The following LYZL1 variants were observed in gnomAD, a reference collection of about 807,000 sequenced individuals.
The protein encoded by LYZL1 is lysozyme like 1.
In LYZL1, 16 loss-of-function variants were observed where a neutral mutation model predicts 17.9. That is an observed-to-expected ratio of 0.90 (90% CI 0.61 to 1.36). The LOEUF (loss-of-function observed/expected upper bound fraction) is 1.36, where lower values mean the gene tolerates loss of function less well. LYZL1 is among the 40% of genes most tolerant of loss of function. The pLI is 0.00. For synonymous variants in LYZL1, 58 were observed against 71.8 expected (o/e 0.81, Z 0.97); for missense variants, 149 against 188.4 (o/e 0.79, Z 1.22).
chr10:29,309,165 G>A (rs1480319855), intron 3 of LYZL1, among the ~76,000 whole-genome samples: 1 of 151,426 alleles, frequency 6.6e-6, no homozygotes, highest in South Asian at 2.1e-4. Flanking sequence ...CCCATCTCTA[G>A]TAAAAATACA....
chr10:29,310,042 A>C, intron 3 of LYZL1, 68 bp from the exon 4 acceptor site: 1 of 1,115,416 alleles, frequency 9.0e-7, no homozygotes, highest in Non-Finnish European at 1.3e-6. Flanking sequence ...AAGTGAAGTA[A>C]AGTTGAGTTG....
intron 3 of LYZL1, among the ~76,000 whole-genome samples, chr10:29,308,454 G>A (rs1835625979): frequency 6.6e-6 from 1 of 152,156 alleles, no homozygotes; most frequent in South Asian, 2.1e-4. Context: ...GTGGATCCCT[G>A]AGGAATATCT....
chr10:29,296,345 C>T (rs1307672617), intron 3 of LYZL1, among the ~76,000 whole-genome samples: 3 of 151,916 alleles, frequency 2.0e-5, no homozygotes, highest in Non-Finnish European at 4.4e-5. Flanking sequence ...AAACACAGAA[C>T]CAACAACAAC....
chr10:29,306,415 T>C (rs1835591276), intron 3 of LYZL1, among the ~76,000 whole-genome samples: 2 of 145,930 alleles, frequency 1.4e-5, no homozygotes, highest in South Asian at 2.2e-4. Context: ...CCGGGCGTAG[T>C]GGCGGGCGCC....
intron 3 of LYZL1, among the ~76,000 whole-genome samples, chr10:29,317,049 G>C (rs916374645): frequency 1.3e-5 from 2 of 152,118 alleles, no homozygotes; most frequent in African/African-American, 4.8e-5. Context: ...TTTTAATAAA[G>C]TTGGAATTAT....
chr10:29,290,227 C>T (rs556828330), intron 1 of LYZL1, among the ~76,000 whole-genome samples: 3 of 152,210 alleles, frequency 2.0e-5, no homozygotes, highest in South Asian at 2.1e-4. Flanking sequence ...TTCAGGATCC[C>T]GAGTAGTTGT....
chr10:29,292,663 A>T lies in LYZL1; in HGVS notation c.284A>T (p.His95Leu). Reference sequence around the variant, plus strand: ...AAGCTGAAGGAGAACAACCACTGCCATGTCGCCTGCTCAGGTGAGGCTCTG... The same window carrying T: ...AAGCTGAAGGAGAACAACCACTGCCTTGTCGCCTGCTCAGGTGAGGCTCTG... ...RGKLKENNHC[H>L]VACSALITDD... Residue 95 changes from histidine to leucine, a missense_variant, in exon 3 of 5, where the codon CAT becomes CTT. Physicochemically the swap from His to Leu is moderately conservative, Grantham distance 99. This residue lies in a region of LYZL1 where 130 missense variants were observed against 132.5 expected (regional missense o/e 0.98). Transcript: ENST00000649382. The T allele has an allele frequency of 6.2e-7, 1 of 1,613,862 alleles. No individual in the cohort carries two copies. Among genetic ancestry groups the T allele is most frequent in the Non-Finnish European group, 8.5e-7 (1 of 1,179,830 alleles).
intron 4 of LYZL1, among the ~76,000 whole-genome samples, chr10:29,310,515 G>C (rs988093070): frequency 2.7e-5 from 4 of 148,652 alleles, no homozygotes; most frequent in East Asian, 1.9e-4. Flanking sequence ...AAAAAAAAAA[G>C]CTTGAGTTTG....
At chr10:29,310,953 C>T in intron 4 of LYZL1, 37 bp from the exon 5 acceptor site, 2 of 1,614,146 alleles carry the variant, frequency 1.2e-6, no homozygotes, top group Non-Finnish European at 1.7e-6. Context: ...GATTGTCACG[C>T]TTCTTTCTGC....
chr10:29,302,521 C>T (rs768561530), intron 3 of LYZL1, among the ~76,000 whole-genome samples: 4 of 152,144 alleles, frequency 2.6e-5, no homozygotes, highest in South Asian at 4.1e-4. Flanking sequence ...CGTGCATTTG[C>T]GCAGTAGCTG....
chr10:29,302,979 T>A (rs1835541842), intron 3 of LYZL1, among the ~76,000 whole-genome samples: 1 of 152,180 alleles, frequency 6.6e-6, no homozygotes, highest in African/African-American at 2.4e-5. Context: ...AAGGCATAAC[T>A]AAGCATCCAG....
chr10:29,289,202 G>T lies in LYZL1; in HGVS notation c.-54G>T. The T allele has an allele frequency of 2.5e-6, 4 of 1,594,694 alleles. No individual in the cohort carries two copies. Among genetic ancestry groups the T allele is most frequent in the South Asian group, 2.3e-5 (2 of 88,008 alleles). ...AGACTCAACTGAGAAGTCAGCCTCT[G>T]GGGCAGGCACCAGGAATCTGCCTTT... On this transcript the variant is annotated 5_prime_UTR_variant, in exon 1 of 5. Coordinates refer to ENST00000649382, the MANE Select transcript of LYZL1 (RefSeq NM_032517.6).
At chr10:29,293,134 C>CTTTTTTTTTTTTTTT in intron 3 of LYZL1, among the ~76,000 whole-genome samples, 1 of 121,048 alleles carries the variant, frequency 8.3e-6, no homozygotes, top group Non-Finnish European at 1.7e-5. Context: ...TTTCTTTTTT[C>CTTTTTTTTTTTTTTT]TTTTTTTTTT....
intron 3 of LYZL1, among the ~76,000 whole-genome samples, chr10:29,306,631 A>C (rs1342607883): frequency 6.6e-6 from 1 of 151,454 alleles, no homozygotes; most frequent in Non-Finnish European, 1.5e-5. Flanking sequence ...ATTAAAATTC[A>C]TAGTTTTTTG....
rs536846645 is a variant in LYZL1 at position 29,302,820 on chromosome 10, G to A, written c.299-7290G>A. ...CCTATCCTGCCTCATATGCAACATT[G>A]TTGAGTGTCTAGACTATGTGTCTTC... On this transcript the variant is annotated intron_variant, in intron 3 of 4. Transcript: ENST00000649382. Among the ~76,000 whole-genome samples, 6 of 152,158 alleles carry A rather than the reference G, an allele frequency of 3.9e-5. No individual in the cohort carries two copies. In the South Asian group the frequency reaches 1.0e-3, roughly 26 times the overall value.
intron 3 of LYZL1, among the ~76,000 whole-genome samples, chr10:29,298,415 T>C (rs1440035187): frequency 6.6e-6 from 1 of 152,204 alleles, no homozygotes; most frequent in East Asian, 1.9e-4. Context: ...CCTTCCCTGC[T>C]GATGCCTACT....
At chr10:29,308,629 A>T (rs1293981270) in intron 3 of LYZL1, among the ~76,000 whole-genome samples, 5 of 152,248 alleles carry the variant, frequency 3.3e-5, no homozygotes, top group African/African-American at 1.2e-4. Flanking sequence ...ATCAAACAAT[A>T]CATTTCAATC....
At chr10:29,301,966 T>C (rs1045706568) in intron 3 of LYZL1, among the ~76,000 whole-genome samples, 1 of 152,218 alleles carries the variant, frequency 6.6e-6, no homozygotes, top group Non-Finnish European at 1.5e-5. Context: ...TCTTTTCAGA[T>C]ACCGTATTTT....
downstream of LYZL1, among the ~76,000 whole-genome samples, chr10:29,314,936 C>T (rs1022269109): frequency 1.3e-4 from 20 of 152,172 alleles, no homozygotes; most frequent in Admixed American, 7.9e-4. Context: ...AGTTCCTTTA[C>T]GAACAGGGAG....
Sources: gnomAD v4.1 joint callset for allele counts (sites outside exome capture counted in the v4.1 genomes callset) on GRCh38, gnomAD v4.1.1 for gene constraint, gnomAD v4.1.1 regional missense constraint, MANE v1.5 for transcripts, NCBI Gene and HGNC (gene_info 2026-07-23, HGNC 2026-07-21) for gene names.